The following CLPB variants were observed in gnomAD, a reference collection of about 807,000 sequenced individuals.
CLPB encodes the protein ClpB family mitochondrial disaggregase.
Under a neutral mutation model 78.4 loss-of-function variants are expected in CLPB, and 40 were observed. The observed-to-expected ratio is 0.51, with a 90% CI of 0.40 to 0.66. CLPB has a LOEUF of 0.66. CLPB is among the 30% of genes least tolerant of loss of function. The pLI is 0.00. For missense variants in CLPB, 780 were observed against 886.9 expected (o/e 0.88, Z 1.53); for synonymous variants, 333 against 348.0 (o/e 0.96, Z 0.48).
At chr11:72,420,866 C>G (rs572144532) in intron 2 of CLPB, among the ~76,000 whole-genome samples, 13 of 152,260 alleles carry the variant, frequency 8.5e-5, no homozygotes, top group African/African-American at 3.1e-4. Flanking sequence ...ATTAAAAAAA[C>G]TGGGTCTACC....
intron 5 of CLPB, among the ~76,000 whole-genome samples, chr11:72,335,339 G>A (rs535950354): frequency 6.6e-6 from 1 of 152,298 alleles, no homozygotes; most frequent in Admixed American, 6.5e-5. Context: ...TGGAAAAATG[G>A]TGAGTTCTTC....
intron 14 of CLPB, 24 bp from the exon 15 acceptor site, chr11:72,294,150 T>C: frequency 2.5e-6 from 4 of 1,611,152 alleles, no homozygotes; most frequent in African/African-American, 1.3e-5. Flanking sequence ...GATAGAAGCA[T>C]GCCTGCATGT....
At chr11:72,340,297 G>A (rs1472822960) in intron 5 of CLPB, among the ~76,000 whole-genome samples, 1 of 152,152 alleles carries the variant, frequency 6.6e-6, no homozygotes, top group East Asian at 1.9e-4. Flanking sequence ...GGAGGAGGTC[G>A]ATACACCAGT....
At chr11:72,374,169 C>T (rs978214704) in intron 4 of CLPB, among the ~76,000 whole-genome samples, 1 of 152,126 alleles carries the variant, frequency 6.6e-6, no homozygotes, top group African/African-American at 2.4e-5. Context: ...ACCTCCTAGG[C>T]AGGCTTCCTG....
At chr11:72,431,124 G>A (rs1275383761) in intron 1 of CLPB, among the ~76,000 whole-genome samples, 3 of 152,236 alleles carry the variant, frequency 2.0e-5, no homozygotes, top group Non-Finnish European at 2.9e-5. Context: ...AGCTAAGTGC[G>A]TCTGGCCTGG....
chr11:72,383,126 G>A (rs943206605), intron 3 of CLPB, among the ~76,000 whole-genome samples: 1 of 151,400 alleles, frequency 6.6e-6, no homozygotes, highest in African/African-American at 2.4e-5. Flanking sequence ...GACAGAATAT[G>A]TGAACTCAAA....
intron 4 of CLPB, among the ~76,000 whole-genome samples, chr11:72,365,545 G>A (rs1950926712): frequency 6.6e-6 from 1 of 152,096 alleles, no homozygotes; most frequent in Non-Finnish European, 1.5e-5. Context: ...AAACCATTGA[G>A]TTATATACTC....
intron 2 of CLPB, among the ~76,000 whole-genome samples, chr11:72,422,076 G>C (rs750000051): frequency 6.6e-6 from 1 of 152,016 alleles, no homozygotes; most frequent in Non-Finnish European, 1.5e-5. Context: ...GACCATCTTG[G>C]CTAACATGGT....
intron 5 of CLPB, among the ~76,000 whole-genome samples, chr11:72,334,775 G>A (rs529998008): frequency 1.3e-5 from 2 of 152,208 alleles, no homozygotes; most frequent in African/African-American, 4.8e-5. Flanking sequence ...CAGGTCATCC[G>A]TCACCTCCCA....
At chr11:72,332,845 T>A (rs1323442065) in intron 5 of CLPB, 2 of 152,212 alleles carry the variant, frequency 1.3e-5, no homozygotes, top group African/African-American at 4.8e-5. Flanking sequence ...TGTTTTTCTA[T>A]CAGGTGATGA....
intron 3 of CLPB, among the ~76,000 whole-genome samples, chr11:72,400,313 G>C (rs1224747197): frequency 6.6e-6 from 1 of 152,190 alleles, no homozygotes; most frequent in Non-Finnish European, 1.5e-5. Context: ...GATAGTGGAA[G>C]AGAAGGTCAC....
intron 2 of CLPB, among the ~76,000 whole-genome samples, chr11:72,423,270 A>G (rs1856263443): frequency 2.0e-5 from 3 of 152,202 alleles, no homozygotes; most frequent in Admixed American, 1.3e-4. Context: ...AACTGAACTC[A>G]TAATCTTTTC....
intron 3 of CLPB, among the ~76,000 whole-genome samples, chr11:72,402,282 AAC>A (rs1475527574): frequency 6.6e-6 from 1 of 152,068 alleles, no homozygotes; most frequent in African/African-American, 2.4e-5. Flanking sequence ...AAAACCCAAA[AAC>A]ACAGACCTTT....
At chr11:72,423,491 C>T (rs1322233502) in intron 2 of CLPB, among the ~76,000 whole-genome samples, 1 of 152,190 alleles carries the variant, frequency 6.6e-6, no homozygotes, top group Non-Finnish European at 1.5e-5. Context: ...ATCTAGTTTA[C>T]TTCCTCCATC....
At chr11:72,431,996 C>A (rs1039093360) in intron 1 of CLPB, among the ~76,000 whole-genome samples, 1 of 152,198 alleles carries the variant, frequency 6.6e-6, no homozygotes, top group Non-Finnish European at 1.5e-5. Flanking sequence ...ACCAAATACA[C>A]TGGACTCAGA....
intron 5 of CLPB, among the ~76,000 whole-genome samples, chr11:72,340,102 A>G (rs370772037): frequency 9.9e-5 from 15 of 152,182 alleles, no homozygotes; most frequent in African/African-American, 2.9e-4. Flanking sequence ...TCCATTTCTT[A>G]CCCACCCTAT....
intron 5 of CLPB, chr11:72,354,275 GTGTATATA>G: frequency 2.6e-6 from 1 of 383,160 alleles, no homozygotes; most frequent in Non-Finnish European, 4.5e-6. Context: ...ATGTGTGTGT[GTGTATATA>G]TATATATATA....
intron 7 of CLPB, chr11:72,310,866 G>C (rs1430695985): frequency 6.6e-6 from 1 of 152,134 alleles, no homozygotes; most frequent in African/African-American, 2.4e-5. Flanking sequence ...GGGCTGTGCA[G>C]TACAAAAACA....
Position 72,287,869 on chromosome 11 carries a change from T to C in CLPB, c.*5498A>G, listed in dbSNP as rs1239743223. The C allele has an allele frequency of 6.6e-6, 1 of 152,210 alleles. No homozygotes were observed. The highest frequency in any genetic ancestry group is 6.5e-5 in the Admixed American group (1 of 15,284). The allele number at this position is 152,210 out of a possible 1,614,324, so 9.4% of individuals were successfully genotyped here. ...TCTAATTTCTCATGCCTAATTTTGT[T>C]AATTTTTTTGGCTCCTTTCCCCTTT... On this transcript the variant is annotated 3_prime_UTR_variant, in exon 16 of 16. Transcript: ENST00000538039.
Sources: gnomAD v4.1 joint callset for allele counts (sites outside exome capture counted in the v4.1 genomes callset) on GRCh38, gnomAD v4.1.1 for gene constraint, MANE v1.5 for transcripts, NCBI Gene and HGNC (gene_info 2026-07-23, HGNC 2026-07-21) for gene names.